Variants in TMEM74 observed in about 807,000 individuals in gnomAD.
TMEM74 encodes transmembrane protein 74.
A neutral mutation model predicts 18.1 loss-of-function variants in TMEM74; 13 were observed. The ratio of observed to expected loss-of-function variants is 0.72; its 90% CI spans 0.47 to 1.14. TMEM74 has a LOEUF of 1.14. TMEM74 is among the 50% of genes most tolerant of loss of function. The pLI, the probability that TMEM74 is intolerant of heterozygous loss-of-function variation, is 0.00. For synonymous variants in TMEM74, 159 were observed against 146.6 expected (o/e 1.08, Z -0.61); for missense variants, 372 against 375.9 (o/e 0.99, Z 0.09).
chr8:108,622,754 C>T (rs1380615995), intron 2 of TMEM74, among the ~76,000 whole-genome samples: 1 of 152,054 alleles, frequency 6.6e-6, no homozygotes, highest in Non-Finnish European at 1.5e-5. Context: ...GGGAATCTAT[C>T]TGAATAAAAA....
rs1488796485 is a variant in TMEM74, at chr8:108,635,220, C to G, written n.264+20073G>C. Among the ~76,000 whole-genome samples, 9 of 151,952 alleles carry G rather than the reference C, an allele frequency of 5.9e-5. No individual in the cohort carries two copies. The East Asian group carries it at 1.4e-3, about 23-fold the overall frequency. On this transcript the variant is annotated intron_variant and non_coding_transcript_variant, in intron 2 of 3. Transcript: ENST00000518838. ...GTCAACTCAATTTAAACAACAACAACAAAACTCCAAAACAATTGCTTCTTC... is the reference window on the plus strand; with the variant it reads ...GTCAACTCAATTTAAACAACAACAAGAAAACTCCAAAACAATTGCTTCTTC...
At chr8:108,699,802 C>T (rs996124022) in intron 1 of TMEM74, among the ~76,000 whole-genome samples, 1 of 152,168 alleles carries the variant, frequency 6.6e-6, no homozygotes, top group African/African-American at 2.4e-5. Flanking sequence ...TAGAACATTG[C>T]TCACCTTAGT....
intron 1 of TMEM74, among the ~76,000 whole-genome samples, chr8:108,758,645 G>A (rs1187470211): frequency 6.6e-6 from 1 of 151,834 alleles, no homozygotes; most frequent in Non-Finnish European, 1.5e-5. Flanking sequence ...AGATCAAAGT[G>A]GTATCATTTA....
intron 1 of TMEM74, among the ~76,000 whole-genome samples, chr8:108,767,302 A>C (rs1246956635): frequency 6.6e-6 from 1 of 152,224 alleles, no homozygotes; most frequent in Non-Finnish European, 1.5e-5. Context: ...AGATGTGAGC[A>C]TTAGCAAAAC....
chr8:108,633,190 C>A (rs1812573657), intron 2 of TMEM74, among the ~76,000 whole-genome samples: 1 of 151,924 alleles, frequency 6.6e-6, no homozygotes, highest in Admixed American at 6.6e-5. Flanking sequence ...TTTCCCCCAC[C>A]ATTTTATACT....
intron 2 of TMEM74, among the ~76,000 whole-genome samples, chr8:108,640,115 CTT>C (rs35455409): frequency 8.9e-3 from 704 of 78,912 alleles, no homozygotes; most frequent in African/African-American, 0.034. Context: ...ATAGTAATCA[CTT>C]TTTTTTTTTT....
intron 1 of TMEM74, among the ~76,000 whole-genome samples, chr8:108,669,798 G>C (rs1463004287): frequency 6.6e-6 from 1 of 152,098 alleles, no homozygotes; most frequent in East Asian, 1.9e-4. Context: ...AGCACTTTGG[G>C]AGGCTGAGGT....
At chr8:108,747,645 G>T (rs1813862931) in intron 1 of TMEM74, among the ~76,000 whole-genome samples, 1 of 151,950 alleles carries the variant, frequency 6.6e-6, no homozygotes, top group Non-Finnish European at 1.5e-5. Flanking sequence ...TTGCTGCACA[G>T]ATCATCCCAT....
chr8:108,623,986 A>T (rs1280950223), intron 2 of TMEM74, among the ~76,000 whole-genome samples: 1 of 152,032 alleles, frequency 6.6e-6, no homozygotes, highest in Non-Finnish European at 1.5e-5. Flanking sequence ...ACTTTGGGAG[A>T]CATAATAAGA....
intron 1 of TMEM74, among the ~76,000 whole-genome samples, chr8:108,747,588 G>A (rs950163519): frequency 6.6e-6 from 1 of 151,822 alleles, no homozygotes; most frequent in East Asian, 1.9e-4. Context: ...TAAGTTCAGG[G>A]GTACATGTGC....
intron 2 of TMEM74, among the ~76,000 whole-genome samples, chr8:108,644,612 G>T (rs980105472): frequency 2.0e-5 from 3 of 152,050 alleles, no homozygotes; most frequent in East Asian, 3.9e-4. Context: ...TCTGACAAAG[G>T]TCTAATATCT....
intron 2 of TMEM74, among the ~76,000 whole-genome samples, chr8:108,651,483 T>C (rs1251696527): frequency 6.6e-6 from 1 of 151,928 alleles, no homozygotes; most frequent in Non-Finnish European, 1.5e-5. Context: ...TCTATGAAAA[T>C]TACAGTAAAG....
At chr8:108,644,469 AG>A (rs1439157638) in intron 2 of TMEM74, among the ~76,000 whole-genome samples, 1 of 152,166 alleles carries the variant, frequency 6.6e-6, no homozygotes, top group Non-Finnish European at 1.5e-5. Context: ...AGACCTCAAA[AG>A]CAATTGCACC....
At chr8:108,668,304 A>C (rs1206810753) in intron 1 of TMEM74, among the ~76,000 whole-genome samples, 2 of 152,220 alleles carry the variant, frequency 1.3e-5, no homozygotes, top group Non-Finnish European at 2.9e-5. Context: ...TCAAAACATA[A>C]GTTAATATAT....
At chr8:108,767,765 T>C (rs550367868) in intron 1 of TMEM74, among the ~76,000 whole-genome samples, 1 of 152,286 alleles carries the variant, frequency 6.6e-6, no homozygotes, top group East Asian at 1.9e-4. Flanking sequence ...TTCTCTTTCT[T>C]ATCAATTTCT....
rs541323436 is a variant in TMEM74 at position 108,680,055 on chromosome 8, T to C, written n.120-24618A>G. ...ATTGTGGCAATAATCAATAGCTTAC[T>C]AACCAAAAAAAGTCCAGGATCTACC... On this transcript the variant is annotated intron_variant and non_coding_transcript_variant, in intron 1 of 3. Coordinates refer to the TMEM74 transcript ENST00000518838. Among the ~76,000 whole-genome samples, 16 of 151,652 alleles carry C rather than the reference T, an allele frequency of 1.1e-4. No homozygotes were observed. In the East Asian group the frequency reaches 2.3e-3, roughly 22 times the overall value.
intron 2 of TMEM74, among the ~76,000 whole-genome samples, chr8:108,618,671 T>C (rs924725211): frequency 3.3e-5 from 5 of 152,170 alleles, no homozygotes; most frequent in Non-Finnish European, 5.9e-5. Flanking sequence ...ACACTACATA[T>C]TAGTTGAAGA....
intron 1 of TMEM74, among the ~76,000 whole-genome samples, chr8:108,695,074 T>C (rs569814904): frequency 1.3e-5 from 2 of 151,996 alleles, no homozygotes; most frequent in South Asian, 4.2e-4. Context: ...TCTGGATGAG[T>C]TGGGGGCCTG....
At chr8:108,774,880 T>C (rs1481752245), downstream of TMEM74, among the ~76,000 whole-genome samples, 3 of 151,632 alleles carry the variant, frequency 2.0e-5, no homozygotes, top group Non-Finnish European at 4.4e-5. Flanking sequence ...ATTACAGGTG[T>C]GAGCCACAAC....
Sources: allele counts gnomAD v4.1 joint callset (sites outside exome capture counted in the v4.1 genomes callset), GRCh38; gene constraint gnomAD v4.1.1; transcripts MANE v1.5; gene names NCBI Gene and HGNC (gene_info 2026-07-23, HGNC 2026-07-21).